Variants in EIF4E1B observed in about 807,000 individuals in gnomAD.
EIF4E1B encodes eukaryotic translation initiation factor 4E family member 1B, also known as eukaryotic translation initiation factor 4E type 1B.
EIF4E1B carries 22 observed loss-of-function variants against 31.3 expected under a neutral mutation model. The ratio of observed to expected loss-of-function variants is 0.70; its 90% CI spans 0.50 to 1.00. EIF4E1B has a LOEUF of 1.00. EIF4E1B is among the 50% of genes least tolerant of loss of function. EIF4E1B has a pLI of 0.00. For missense variants in EIF4E1B, 290 were observed against 311.6 expected (o/e 0.93, Z 0.52); for synonymous variants, 126 against 120.2 (o/e 1.05, Z -0.31).
chr5:176,641,790 A>G (rs898729160), intron 1 of EIF4E1B: 1 of 152,482 alleles, frequency 6.6e-6, no homozygotes. Flanking sequence ...GGAGGAGGCA[A>G]AACTTTAAAG....
At chr5:176,639,371 A>C (rs890414476) in intron 1 of EIF4E1B, among the ~76,000 whole-genome samples, 4 of 152,182 alleles carry the variant, frequency 2.6e-5, no homozygotes, top group African/African-American at 9.7e-5. Context: ...TGTCCCCCAT[A>C]GACAGACTTG....
rs527331148 is a variant in EIF4E1B, at chr5:176,643,068, T to G, written c.16-14T>G. ...AGAGCTCACAACCCATCCTGACTCC[T>G]TTTTTTGGCTCAGGTGAGTGAAGCT... On this transcript the variant is annotated splice_polypyrimidine_tract_variant and intron_variant, in intron 3 of 8. Coordinates refer to ENST00000318682, the MANE Select transcript of EIF4E1B (RefSeq NM_001099408.2). 17 of 1,594,404 alleles carry G rather than the reference T, an allele frequency of 1.1e-5. No individual in the cohort carries two copies. Among genetic ancestry groups the G allele is most frequent in the Admixed American group, 3.5e-5 (2 of 56,368 alleles).
At chr5:176,644,492 TCCCG>T in intron 6 of EIF4E1B, 53 bp downstream of exon 6, 1 of 1,121,940 alleles carries the variant, frequency 8.9e-7, no homozygotes, top group Non-Finnish European at 1.2e-6. Context: ...GGTTGATCCC[TCCCG>T]GACTCCACTG....
chr5:176,637,895 CA>C (rs1445016095), intron 1 of EIF4E1B, among the ~76,000 whole-genome samples: 1 of 152,116 alleles, frequency 6.6e-6, no homozygotes, highest in African/African-American at 2.4e-5. Context: ...AGGCCATCAC[CA>C]TCACACAGGC....
chr5:176,632,844 C>T (rs184533858), intron 1 of EIF4E1B, among the ~76,000 whole-genome samples: 1 of 152,174 alleles, frequency 6.6e-6, no homozygotes. Context: ...GATGACTATG[C>T]CAGATAATTG....
chr5:176,644,495 C>G, intron 6 of EIF4E1B, 56 bp downstream of exon 6: 2 of 1,428,530 alleles, frequency 1.4e-6, no homozygotes, highest in African/African-American at 1.4e-5. Flanking sequence ...TGATCCCTCC[C>G]GGACTCCACT....
intron 4 of EIF4E1B, 75 bp downstream of exon 4, chr5:176,643,341 G>A: frequency 1.4e-6 from 2 of 1,478,496 alleles, no homozygotes; most frequent in Non-Finnish European, 1.8e-6. Context: ...GTGGCCTTGG[G>A]CAACCCCGCC....
intron 1 of EIF4E1B, among the ~76,000 whole-genome samples, chr5:176,640,740 C>T (rs532596627): frequency 2.0e-5 from 3 of 152,314 alleles, no homozygotes; most frequent in Middle Eastern, 3.4e-3. Context: ...CTCAGTGGCT[C>T]CCCACTGCCC....
intron 1 of EIF4E1B, among the ~76,000 whole-genome samples, chr5:176,640,460 T>C (rs1309219979): frequency 6.6e-6 from 1 of 152,258 alleles, no homozygotes; most frequent in Non-Finnish European, 1.5e-5. Context: ...CAGCAATAGA[T>C]AAGTGGGACA....
chr5:176,639,254 T>C (rs1760539564), intron 1 of EIF4E1B, among the ~76,000 whole-genome samples: 1 of 151,742 alleles, frequency 6.6e-6, no homozygotes, highest in Admixed American at 6.6e-5. Context: ...TTCTCTGGAG[T>C]CAGGGGAGTT....
At chr5:176,633,487 T>C (rs574637380) in intron 1 of EIF4E1B, among the ~76,000 whole-genome samples, 193 of 152,156 alleles carry the variant, frequency 1.3e-3, no homozygotes, top group Non-Finnish European at 2.4e-3. Context: ...CTTATTTATT[T>C]TTTGTTGAGA....
chr5:176,642,849 T>TAG, intron 3 of EIF4E1B, 47 bp downstream of exon 3: 3 of 1,181,908 alleles, frequency 2.5e-6, no homozygotes, highest in East Asian at 4.0e-5. Flanking sequence ...GGCCCCGCCC[T>TAG]CTCCCCCCCC....
rs757185418 is a variant in EIF4E1B, at chr5:176,645,526, G to T, written c.614+10G>T. 22 of 1,510,090 alleles carry T rather than the reference G, an allele frequency of 1.5e-5. 1 individual carries two copies. The South Asian group carries it at 2.6e-4, about 18-fold the overall frequency. The allele number at this position is 1,510,090 out of a possible 1,614,324, so 93.5% of individuals were successfully genotyped here. A position where few individuals can be genotyped will look rare whatever the true frequency, so the allele number is the denominator to read the frequency against. On this transcript the variant is annotated intron_variant, in intron 8 of 8. Coordinates refer to ENST00000318682, the MANE Select transcript of EIF4E1B (RefSeq NM_001099408.2). The surrounding 1 kb of genome is among the most constrained non-coding windows in gnomAD (Gnocchi z 5.4). ...GCGTGCTGCACGTTGGGTGAGGAGGGTCTCTGGCACAGGGTGGGGACTTGG... is the reference window on the plus strand; with the variant it reads ...GCGTGCTGCACGTTGGGTGAGGAGGTTCTCTGGCACAGGGTGGGGACTTGG...
At chr5:176,636,990 C>G (rs1157693403) in intron 1 of EIF4E1B, among the ~76,000 whole-genome samples, 1 of 152,252 alleles carries the variant, frequency 6.6e-6, no homozygotes, top group Non-Finnish European at 1.5e-5. Context: ...CTAGAAACCA[C>G]AAAAGACGCT....
chr5:176,645,223 G>A lies in EIF4E1B; in HGVS notation c.454G>A (p.Asp152Asn). The A allele has an allele frequency of 1.9e-6, 3 of 1,594,702 alleles. No homozygotes were observed. The highest frequency in any genetic ancestry group is 2.6e-6 in the Non-Finnish European group (3 of 1,170,792). Reference protein sequence around the residue: ...LAKQQRHIELDRLWLETLLCL... With the variant: ...LAKQQRHIELNRLWLETLLCL... ...CAAGCAGCAGCGCCACATTGAGCTG[G>A]ACCGGCTGTGGCTGGAGACGGTGAG... Residue 152 changes from aspartate to asparagine, a missense_variant, in exon 7 of 9, where the codon GAC (aspartate) becomes AAC (asparagine). By Grantham distance (23) the Asp-to-Asn change is conservative. Transcript: ENST00000318682. This position sits in a 1 kb window ranked among gnomAD's most constrained non-coding sequence, Gnocchi z 5.4.
In EIF4E1B at chr5:176,645,889, G is replaced by A. The variant is rs757870734; in HGVS notation, c.638G>A (p.Gly213Asp). ...HVGRVYKERL[G>D]LSPKTIIGYQ... Reference sequence around the variant, plus strand: ...AGGCGTGTATACAAAGAGCGCCTGGGCCTCTCCCCAAAGACCATCATTGGG... The same window carrying A: ...AGGCGTGTATACAAAGAGCGCCTGGACCTCTCCCCAAAGACCATCATTGGG... The change falls in exon 9 of 9, where the codon GGC becomes GAC. Residue 213 changes from glycine to aspartate, a missense_variant. Transcript: ENST00000318682. This position sits in a 1 kb window ranked among gnomAD's most constrained non-coding sequence, Gnocchi z 5.4. 6.2e-7 allele frequency: 1 copy of A among 1,602,982 alleles called. No individual in the cohort carries two copies. The highest frequency in any genetic ancestry group is 8.5e-7 in the Non-Finnish European group (1 of 1,175,044).
intron 1 of EIF4E1B, among the ~76,000 whole-genome samples, chr5:176,636,549 T>C (rs1220126622): frequency 6.6e-6 from 1 of 152,234 alleles, no homozygotes; most frequent in Non-Finnish European, 1.5e-5. Context: ...GCCTGGGTTC[T>C]GCAAAAATCC....
chr5:176,638,838 G>A lies in EIF4E1B; in HGVS notation c.-201-3205G>A, dbSNP rs1221915277. Among the ~76,000 whole-genome samples, 2 of 152,230 alleles carry A rather than the reference G, an allele frequency of 1.3e-5. No individual in the cohort carries two copies. The highest frequency in any genetic ancestry group is 1.9e-4 in the East Asian group (1 of 5,182). The stretch of plus-strand genomic sequence containing the variant: ...TGCCCAGGCTGGAGTGCAATGGTGC[G>A]ATCTCGGCTCACTGCAACCTCTACC... On this transcript the variant is annotated intron_variant, in intron 1 of 8. Coordinates refer to ENST00000318682, the MANE Select transcript of EIF4E1B (RefSeq NM_001099408.2). The surrounding 1 kb of genome is among the most constrained non-coding windows in gnomAD (Gnocchi z 4.3).
intron 1 of EIF4E1B, among the ~76,000 whole-genome samples, chr5:176,634,948 A>G (rs1317486536): frequency 6.6e-6 from 1 of 152,092 alleles, no homozygotes; most frequent in Admixed American, 6.6e-5. Flanking sequence ...GATTACAGGC[A>G]TGAGCCACCA....
Sources: gnomAD v4.1 joint callset for allele counts (sites outside exome capture counted in the v4.1 genomes callset) on GRCh38, gnomAD v4.1.1 for gene constraint, Gnocchi (gnomAD v3.1) non-coding constraint, MANE v1.5 for transcripts, NCBI Gene and HGNC (gene_info 2026-07-23, HGNC 2026-07-21) for gene names.